NKAIN1: variants seen among roughly 807,000 people sequenced by gnomAD.
NKAIN1 encodes sodium/potassium transporting ATPase interacting 1.
Under a neutral mutation model 31.6 loss-of-function variants are expected in NKAIN1, and 13 were observed. The ratio of observed to expected loss-of-function variants is 0.41; its 90% CI spans 0.27 to 0.65. NKAIN1 has a LOEUF of 0.65. Among genes scored for constraint, NKAIN1 ranks in the 30% least tolerant of loss-of-function variants. The probability of loss-of-function intolerance (pLI) is 0.30; values close to 1 mark genes in which losing one functional copy is unlikely to be tolerated. For missense variants in NKAIN1, 193 were observed against 262.2 expected, an observed-to-expected ratio of 0.74 and a Z score of 1.82; for synonymous variants, 104 against 109.0, an observed-to-expected ratio of 0.95 and a Z score of 0.28.
chr1:31,219,129 A>C (rs1004104357), intron 1 of NKAIN1, among the ~76,000 whole-genome samples: 11 of 152,200 alleles, frequency 7.2e-5, no homozygotes, highest in African/African-American at 2.7e-4. Context: ...AACCTCCTAA[A>C]TATATGTTCT....
intron 1 of NKAIN1, among the ~76,000 whole-genome samples, chr1:31,205,779 C>T (rs61778330): frequency 2.6e-5 from 4 of 151,030 alleles, no homozygotes; most frequent in South Asian, 2.1e-4. Flanking sequence ...TGTGCCACCA[C>T]GCCCAGCTAA....
chr1:31,199,765 C>T (rs1440215635), intron 1 of NKAIN1, among the ~76,000 whole-genome samples: 2 of 152,184 alleles, frequency 1.3e-5, no homozygotes, highest in East Asian at 3.8e-4. Context: ...AAGATGGGCC[C>T]AGTAAGGACT....
At chr1:31,193,010 A>G (rs1645297885) in intron 1 of NKAIN1, among the ~76,000 whole-genome samples, 1 of 152,016 alleles carries the variant, frequency 6.6e-6, no homozygotes, top group African/African-American at 2.4e-5. Flanking sequence ...TATTAAAAAA[A>G]AAAAAATCAG....
chr1:31,193,079 A>T lies in NKAIN1; in HGVS notation c.55-4892T>A, dbSNP rs202111452. ...TTATTATTTATTTTTTTATTTTTTT[A>T]TTTTTTTGAGACGGAGTCTCACTCT... On this transcript the variant is annotated intron_variant, in intron 1 of 6. Coordinates refer to ENST00000373736, the MANE Select transcript of NKAIN1 (RefSeq NM_024522.3). Among the ~76,000 whole-genome samples, 603 of 143,662 alleles carry T rather than the reference A, an allele frequency of 4.2e-3. 33 individuals carry two copies. In the East Asian group the frequency reaches 0.099, roughly 24 times the overall value. 94.2% of individuals were successfully genotyped at this position (143,662 alleles called of 152,430 possible).
At chr1:31,196,355 T>C (rs1645326736) in intron 1 of NKAIN1, among the ~76,000 whole-genome samples, 1 of 151,766 alleles carries the variant, frequency 6.6e-6, no homozygotes, top group South Asian at 2.1e-4. Context: ...CTACTAAAAA[T>C]ACAAAAAATT....
intron 1 of NKAIN1, among the ~76,000 whole-genome samples, chr1:31,198,289 C>T (rs1288102955): frequency 6.6e-6 from 1 of 152,138 alleles, no homozygotes. Flanking sequence ...ACACTTATCC[C>T]AGGAAACGCA....
intron 1 of NKAIN1, among the ~76,000 whole-genome samples, chr1:31,202,291 C>A (rs1173222513): frequency 1.3e-5 from 2 of 152,210 alleles, no homozygotes; most frequent in Non-Finnish European, 2.9e-5. Flanking sequence ...AAGTGCCTGG[C>A]AGTGATCTAA....
chr1:31,232,396 C>CACATATATATATAT (rs1334094237), intron 1 of NKAIN1, among the ~76,000 whole-genome samples: 4 of 6,376 alleles, frequency 6.3e-4, no homozygotes, highest in Admixed American at 3.3e-3. Flanking sequence ...TGGCCTACTT[C>CACATATATATATAT]ATATATATAT....
At chr1:31,189,609 G>A (rs767004824) in intron 1 of NKAIN1, among the ~76,000 whole-genome samples, 4 of 152,156 alleles carry the variant, frequency 2.6e-5, no homozygotes, top group Non-Finnish European at 5.9e-5. Flanking sequence ...GAGCCACTGC[G>A]CCCAGCCAAA....
intron 1 of NKAIN1, among the ~76,000 whole-genome samples, chr1:31,206,237 AAAAT>A (rs370910970): frequency 1.5e-5 from 2 of 130,812 alleles, no homozygotes; most frequent in African/African-American, 5.4e-5. Context: ...CTCCATCTCA[AAAAT>A]AAATAAATAA....
Position 31,186,349 on chromosome 1 carries a change from C to T in NKAIN1, c.193-1022G>A, listed in dbSNP as rs899419819. ...TGGACTCCAGCCTGGGCAACAAGAG[C>T]GAAACTCCGTCTCAAAAAAAAAAAA... is the stretch of plus-strand genomic sequence containing the variant. On this transcript the variant is annotated intron_variant, in intron 2 of 6. Coordinates refer to ENST00000373736, the MANE Select transcript of NKAIN1 (RefSeq NM_024522.3). Among the ~76,000 whole-genome samples the T allele has an allele frequency of 1.8e-3, 235 of 132,632 alleles. 2 individuals carry two copies. The highest frequency in any genetic ancestry group is 6.6e-3 in the African/African-American group (227 of 34,528). 87.0% of individuals were successfully genotyped at this position (132,632 alleles called of 152,430 possible). A position where few individuals can be genotyped will look rare whatever the true frequency, so the allele number is the denominator to read the frequency against.
At chr1:31,235,160 T>C (rs553757336) in intron 1 of NKAIN1, among the ~76,000 whole-genome samples, 8 of 152,220 alleles carry the variant, frequency 5.3e-5, no homozygotes, top group African/African-American at 1.9e-4. Context: ...ATGATGATGA[T>C]GAAGAAATTG....
chr1:31,218,071 T>TCTCTCTCTCTCTCTCTCTCTCTCTCTC (rs201070152), intron 1 of NKAIN1, among the ~76,000 whole-genome samples: 1 of 133,616 alleles, frequency 7.5e-6, no homozygotes, highest in African/African-American at 2.8e-5. Context: ...TTTCTTTCTT[T>TCTCTCTCTCTCTCTCTCTCTCTCTCTC]TTTTTTTTTG....
chr1:31,237,631 C>T (rs1489733664), intron 1 of NKAIN1, among the ~76,000 whole-genome samples: 3 of 151,826 alleles, frequency 2.0e-5, no homozygotes, highest in East Asian at 1.9e-4. Flanking sequence ...TCTCGAGTAG[C>T]TGGGATTACA....
chr1:31,213,749 C>A (rs959629339), intron 1 of NKAIN1, among the ~76,000 whole-genome samples: 4 of 152,114 alleles, frequency 2.6e-5, no homozygotes, highest in South Asian at 2.1e-4. Flanking sequence ...AATCCCAGCA[C>A]TTTGGGAGGG....
intron 1 of NKAIN1, among the ~76,000 whole-genome samples, chr1:31,228,357 A>T (rs1475004251): frequency 6.6e-6 from 1 of 152,170 alleles, no homozygotes; most frequent in Non-Finnish European, 1.5e-5. Context: ...TAAAATGCCT[A>T]GAGATTTCCA....
At chr1:31,194,875 G>A (rs1386100601) in intron 1 of NKAIN1, among the ~76,000 whole-genome samples, 5 of 144,552 alleles carry the variant, frequency 3.5e-5, no homozygotes, top group Admixed American at 7.1e-5. Flanking sequence ...AGGTTCAAGC[G>A]ATTCTCCTGT....
intron 1 of NKAIN1, among the ~76,000 whole-genome samples, chr1:31,192,644 G>A (rs1221184167): frequency 6.6e-6 from 1 of 151,782 alleles, no homozygotes; most frequent in Non-Finnish European, 1.5e-5. Context: ...TCCACTTCCG[G>A]GGTTCACGCC....
chr1:31,239,374 C>G lies in NKAIN1; in HGVS notation c.54+120G>C. ...CCGCTCCGAGACTCCAGACCACCCC[C>G]CGCCCGGGCACACGCACCAGACACA... On this transcript the variant is annotated intron_variant, in intron 1 of 6. Transcript: ENST00000373736. The surrounding 1 kb of genome is among the most constrained non-coding windows in gnomAD (Gnocchi z 4.8). 1.4e-6 allele frequency: 1 copy of G among 695,456 alleles called. No individual in the cohort carries two copies. The highest frequency in any genetic ancestry group is 2.1e-6 in the Non-Finnish European group (1 of 487,394). 43.1% of individuals were successfully genotyped at this position (695,456 alleles called of 1,614,324 possible). A position where few individuals can be genotyped will look rare whatever the true frequency, so the allele number is the denominator to read the frequency against.
Sources: allele counts gnomAD v4.1 joint callset (sites outside exome capture counted in the v4.1 genomes callset), GRCh38; gene constraint gnomAD v4.1.1; non-coding constraint Gnocchi (gnomAD v3.1); transcripts MANE v1.5; gene names NCBI Gene and HGNC (gene_info 2026-07-23, HGNC 2026-07-21).